The following PALM2AKAP2 variants were observed in gnomAD, a reference collection of about 807,000 sequenced individuals.
PALM2AKAP2 encodes PALM2 and AKAP2 fusion.
In PALM2AKAP2, 37 loss-of-function variants were observed where a neutral mutation model predicts 71.5. The ratio of observed to expected loss-of-function variants is 0.52; its 90% CI spans 0.40 to 0.68. The LOEUF (loss-of-function observed/expected upper bound fraction) is 0.68. Among genes scored for constraint, PALM2AKAP2 ranks in the 30% least tolerant of loss-of-function variants. The pLI is 0.00. For synonymous variants in PALM2AKAP2, 468 were observed against 478.8 expected (o/e 0.98, Z 0.29); for missense variants, 1,224 against 1,191.8 (o/e 1.03, Z -0.40).
intron 2 of PALM2AKAP2, among the ~76,000 whole-genome samples, chr9:109,873,442 A>AAAAATAAAATAAAATAAAAT (rs58267168): frequency 2.4e-4 from 35 of 143,068 alleles, no homozygotes; most frequent in African/African-American, 9.3e-4. Flanking sequence ...TCTCAAATTA[A>AAAAATAAAATAAAATAAAAT]AAAATAAAAT....
chr9:109,939,591 C>CTTATTT (rs1228028485), intron 6 of PALM2AKAP2, among the ~76,000 whole-genome samples: 1 of 152,154 alleles, frequency 6.6e-6, no homozygotes, highest in African/African-American at 2.4e-5. Flanking sequence ...AACTGTGTCC[C>CTTATTT]ATGAGTGTGT....
At chr9:110,102,600 C>CCTCCA (rs1835025158) in intron 1 of PALM2AKAP2, among the ~76,000 whole-genome samples, 2 of 151,696 alleles carry the variant, frequency 1.3e-5, no homozygotes, top group Admixed American at 1.3e-4. Context: ...CCTCTCCACT[C>CCTCCA]CTCCCCTCCC....
chr9:109,821,384 G>A lies in PALM2AKAP2; in HGVS notation c.45+40851G>A, dbSNP rs867415671. On this transcript the variant is annotated intron_variant, in intron 1 of 9. Transcript: ENST00000302798. ...TAATAATAATAATTGTCTTTGAATG[G>A]CTGACTGAAAGCACATTCATATTAT... Among the ~76,000 whole-genome samples, 8 of 152,246 alleles carry A rather than the reference G, an allele frequency of 5.3e-5. No individual in the cohort carries two copies. In the Middle Eastern group the frequency reaches 0.017, roughly 324 times the overall value.
At chr9:110,133,393 C>G (rs1835777416) in intron 1 of PALM2AKAP2, among the ~76,000 whole-genome samples, 1 of 152,058 alleles carries the variant, frequency 6.6e-6, no homozygotes, top group Non-Finnish European at 1.5e-5. Flanking sequence ...GTACAGAGAA[C>G]TCATTTTTTT....
chr9:109,695,635 CAATG>C (rs1827959250), intron 1 of PALM2AKAP2, among the ~76,000 whole-genome samples: 1 of 151,872 alleles, frequency 6.6e-6, no homozygotes, highest in Admixed American at 6.6e-5. Context: ...ACATGTCCGT[CAATG>C]AATGAATGAG....
chr9:110,071,594 C>T (rs1226302004), intron 1 of PALM2AKAP2, among the ~76,000 whole-genome samples: 2 of 152,184 alleles, frequency 1.3e-5, no homozygotes, highest in Admixed American at 1.3e-4. Context: ...GTAACTCCTC[C>T]TTCTTTCAGT....
At chr9:109,688,448 TAGG>T (rs1309412228) in intron 1 of PALM2AKAP2, among the ~76,000 whole-genome samples, 1 of 152,236 alleles carries the variant, frequency 6.6e-6, no homozygotes, top group East Asian at 1.9e-4. Flanking sequence ...TTGAGTGTCT[TAGG>T]AGGTTATTGT....
intron 1 of PALM2AKAP2, among the ~76,000 whole-genome samples, chr9:109,736,530 T>C (rs1449648903): frequency 6.6e-6 from 1 of 152,184 alleles, no homozygotes; most frequent in African/African-American, 2.4e-5. Context: ...CCATTTTTGC[T>C]TCATGACTGA....
rs529906088 is a variant in PALM2AKAP2, at chr9:109,982,440, A to G, written c.497-33514A>G. 1.6e-4 allele frequency among the ~76,000 whole-genome samples: 24 copies of G among 152,368 alleles called. No individual in the cohort carries two copies. In the East Asian group the frequency reaches 3.9e-3, roughly 24 times the overall value. ...TCAATAATAATTTATTGTACGTTTT[A>G]AAATAACTAAGAGTATAATTGGATT... On this transcript the variant is annotated intron_variant, in intron 6 of 9. Transcript: ENST00000302798.
intron 3 of PALM2AKAP2, among the ~76,000 whole-genome samples, chr9:110,161,324 G>A (rs1440799444): frequency 6.6e-6 from 1 of 152,292 alleles, no homozygotes; most frequent in Non-Finnish European, 1.5e-5. Flanking sequence ...CAGTGTAAAT[G>A]TACGCTCATT....
intron 1 of PALM2AKAP2, among the ~76,000 whole-genome samples, chr9:109,860,732 C>T (rs1829286105): frequency 6.6e-6 from 1 of 152,070 alleles, no homozygotes. Flanking sequence ...TCATTTTTCC[C>T]CCTAAATAGC....
At chr9:109,965,444 T>C (rs1831929344) in intron 6 of PALM2AKAP2, among the ~76,000 whole-genome samples, 1 of 152,226 alleles carries the variant, frequency 6.6e-6, no homozygotes, top group Non-Finnish European at 1.5e-5. Context: ...ACAACATGGA[T>C]GGACCATGAA....
At chr9:109,764,940 G>A (rs1232471226) in intron 1 of PALM2AKAP2, among the ~76,000 whole-genome samples, 1 of 152,236 alleles carries the variant, frequency 6.6e-6, no homozygotes, top group Non-Finnish European at 1.5e-5. Context: ...AGGAAGGAAT[G>A]TGGATACTCA....
At chr9:109,732,000 C>T (rs894584906) in intron 1 of PALM2AKAP2, among the ~76,000 whole-genome samples, 7 of 152,228 alleles carry the variant, frequency 4.6e-5, no homozygotes, top group East Asian at 1.9e-4. Flanking sequence ...GCCAGGTCTG[C>T]GATTTGAGAA....
chr9:109,825,182 C>T (rs1245563683), intron 1 of PALM2AKAP2, among the ~76,000 whole-genome samples: 3 of 152,126 alleles, frequency 2.0e-5, no homozygotes, highest in African/African-American at 7.2e-5. Context: ...AACTGGATCC[C>T]CTCCTTACAC....
chr9:109,844,804 C>T lies in PALM2AKAP2; in HGVS notation c.46-22687C>T, dbSNP rs184261375. ...CCCCTGGGACTTACATGGATGTCAG[C>T]GAGAAGGAAGCCTACACAACTCACA... On this transcript the variant is annotated intron_variant, in intron 1 of 9. Transcript: ENST00000302798. Among the ~76,000 whole-genome samples the T allele has an allele frequency of 1.0e-3, 152 of 152,230 alleles. 2 individuals are homozygous for T. Among genetic ancestry groups the T allele is most frequent in the Non-Finnish European group, 1.2e-4 (8 of 68,004 alleles).
At chr9:110,065,930 C>T (rs1353404655) in intron 1 of PALM2AKAP2, among the ~76,000 whole-genome samples, 8 of 152,158 alleles carry the variant, frequency 5.3e-5, no homozygotes, top group Admixed American at 5.2e-4. Context: ...TGTTTATATG[C>T]CACATTTTGT....
chr9:110,137,599 T>C, exon 2 of PALM2AKAP2: 1 of 1,614,158 alleles, frequency 6.2e-7, no homozygotes, highest in Non-Finnish European at 8.5e-7. Context: ...ACCATGGGAT[T>C]TTGGATCAGT....
chr9:109,680,666 A>G (rs1265741100), intron 1 of PALM2AKAP2, among the ~76,000 whole-genome samples: 1 of 152,248 alleles, frequency 6.6e-6, no homozygotes, highest in Non-Finnish European at 1.5e-5. Context: ...TTTTTTATTC[A>G]TTAACTAAAT....
Sources: allele counts gnomAD v4.1 joint callset (sites outside exome capture counted in the v4.1 genomes callset), GRCh38; gene constraint gnomAD v4.1.1; transcripts MANE v1.5; gene names NCBI Gene and HGNC (gene_info 2026-07-23, HGNC 2026-07-21).